The following RPS6KC1 variants were observed in gnomAD, a reference collection of about 807,000 sequenced individuals.
The protein encoded by RPS6KC1 is inactive ribosomal protein S6 kinase delta-1.
In RPS6KC1, 54 loss-of-function variants were observed where a neutral mutation model predicts 103.8. The observed-to-expected ratio is 0.52, with a 90% CI of 0.42 to 0.65. The LOEUF (loss-of-function observed/expected upper bound fraction) is 0.65, where lower values mean the gene tolerates loss of function less well. Among genes scored for constraint, RPS6KC1 ranks in the 30% least tolerant of loss-of-function variants. RPS6KC1 has a pLI of 0.00. For missense variants in RPS6KC1, 1,151 were observed against 1,253.8 expected (o/e 0.92, Z 1.24); for synonymous variants, 439 against 438.7 (o/e 1.00, Z -0.01).
intron 8 of RPS6KC1, among the ~76,000 whole-genome samples, chr1:213,211,372 G>A (rs577137101): frequency 6.6e-6 from 1 of 152,266 alleles, no homozygotes; most frequent in Non-Finnish European, 1.5e-5. Flanking sequence ...CAATCAAAAT[G>A]AGAATGACAA....
the RPS6KC1 span, among the ~76,000 whole-genome samples, chr1:213,607,845 A>G: frequency 3.3e-5 from 5 of 152,154 alleles, no homozygotes; most frequent in Non-Finnish European, 5.9e-5. Flanking sequence ...TTTTATTTCT[A>G]GTTAGAATAG....
Position 213,241,093 on chromosome 1 carries a change from G to A in RPS6KC1, c.1617G>A (p.Gly539=), listed in dbSNP as rs1412053869. 6.2e-7 allele frequency: 1 copy of A among 1,613,588 alleles called. No homozygotes were observed. Among genetic ancestry groups the A allele is most frequent in the Non-Finnish European group, 8.5e-7 (1 of 1,179,908 alleles). ...AGGAGCCCTTCATGAAGACTGAAGG[G>A]AATGGTGTTGATACAAAAGCTATTA... The part of the protein sequence containing the change: ...LNEEPFMKTE[G]NGVDTKAIKS... The change falls in exon 11 of 15, where the codon GGG becomes GGA. Residue 539 remains glycine (G), a synonymous_variant. Transcript: ENST00000366960.
chr1:213,202,771 C>G (rs575804342), intron 8 of RPS6KC1, among the ~76,000 whole-genome samples: 2 of 152,018 alleles, frequency 1.3e-5, no homozygotes, highest in Non-Finnish European at 2.9e-5. Flanking sequence ...ATAAATACCT[C>G]GATGCTTTCA....
At chr1:213,248,036 A>G (rs893308050) in intron 12 of RPS6KC1, among the ~76,000 whole-genome samples, 1 of 152,186 alleles carries the variant, frequency 6.6e-6, no homozygotes, top group African/African-American at 2.4e-5. Flanking sequence ...AACAAACAAA[A>G]TTGTTTAAAT....
At chr1:213,393,190 T>C in the RPS6KC1 span, among the ~76,000 whole-genome samples, 6 of 152,210 alleles carry the variant, frequency 3.9e-5, no homozygotes, top group African/African-American at 7.2e-5. Flanking sequence ...CCCCTCATAC[T>C]AATGCATTAG....
the RPS6KC1 span, among the ~76,000 whole-genome samples, chr1:213,571,128 G>T: frequency 1.3e-5 from 2 of 152,266 alleles, no homozygotes; most frequent in African/African-American, 4.8e-5. Flanking sequence ...TGTGGCCTTT[G>T]TAGACAAATA....
At chr1:213,364,032 G>A in the RPS6KC1 span, among the ~76,000 whole-genome samples, 2 of 152,062 alleles carry the variant, frequency 1.3e-5, no homozygotes, top group South Asian at 2.1e-4. Context: ...GCAGGGATTG[G>A]CAAGTGTTTT....
At chr1:213,616,541 G>C in the RPS6KC1 span, among the ~76,000 whole-genome samples, 1 of 152,240 alleles carries the variant, frequency 6.6e-6, no homozygotes, top group Non-Finnish European at 1.5e-5. Flanking sequence ...GCTGAGCATG[G>C]TGGTACATTC....
At chr1:213,170,325 A>G (rs1413490745) in intron 7 of RPS6KC1, among the ~76,000 whole-genome samples, 2 of 152,224 alleles carry the variant, frequency 1.3e-5, no homozygotes, top group Non-Finnish European at 2.9e-5. Context: ...TTCTTCAAGT[A>G]TAACTTCTAA....
the RPS6KC1 span, among the ~76,000 whole-genome samples, chr1:213,287,232 A>ATGTGTGTG: frequency 4.9e-4 from 72 of 146,836 alleles, no homozygotes; most frequent in African/African-American, 1.7e-3. Context: ...TGCCTATACA[A>ATGTGTGTG]TGTGTGTGTG....
At chr1:213,423,771 G>C in the RPS6KC1 span, among the ~76,000 whole-genome samples, 1 of 152,016 alleles carries the variant, frequency 6.6e-6, no homozygotes, top group East Asian at 1.9e-4. Context: ...AGCGGCAGGG[G>C]GCTGGTGGGG....
chr1:213,060,095 G>A (rs970869259), intron 1 of RPS6KC1, among the ~76,000 whole-genome samples: 2 of 152,170 alleles, frequency 1.3e-5, no homozygotes, highest in African/African-American at 2.4e-5. Flanking sequence ...TGGGATTGCC[G>A]GTGTGAACCA....
chr1:213,425,675 G>A, the RPS6KC1 span, among the ~76,000 whole-genome samples: 1 of 152,180 alleles, frequency 6.6e-6, no homozygotes, highest in Non-Finnish European at 1.5e-5. Context: ...GAGAGGAGGC[G>A]ACGTGGAGGG....
At chr1:213,061,429 C>T (rs1050625232) in intron 1 of RPS6KC1, among the ~76,000 whole-genome samples, 3 of 152,078 alleles carry the variant, frequency 2.0e-5, no homozygotes, top group African/African-American at 7.2e-5. Context: ...TGATAACCAG[C>T]CCAAATATTC....
chr1:213,296,337 C>T, the RPS6KC1 span, among the ~76,000 whole-genome samples: 1 of 152,192 alleles, frequency 6.6e-6, no homozygotes, highest in Non-Finnish European at 1.5e-5. Flanking sequence ...GAAAGTTTTT[C>T]ACCAAGGATA....
the RPS6KC1 span, among the ~76,000 whole-genome samples, chr1:213,552,824 C>T: frequency 7.9e-5 from 12 of 152,210 alleles, no homozygotes; most frequent in South Asian, 4.1e-4. Flanking sequence ...CAGTTGCAAA[C>T]GTGAAATGTA....
chr1:213,553,459 C>T, the RPS6KC1 span, among the ~76,000 whole-genome samples: 1 of 152,286 alleles, frequency 6.6e-6, no homozygotes, highest in Admixed American at 6.5e-5. Flanking sequence ...AATAGTGCTG[C>T]AATAAACATA....
the RPS6KC1 span, among the ~76,000 whole-genome samples, chr1:213,704,707 A>G: frequency 6.6e-6 from 1 of 152,200 alleles, no homozygotes; most frequent in Non-Finnish European, 1.5e-5. Flanking sequence ...TTGTGTCTGT[A>G]GTGAAGAGTT....
At chr1:213,226,005 C>T (rs549211246) in intron 8 of RPS6KC1, among the ~76,000 whole-genome samples, 7 of 151,902 alleles carry the variant, frequency 4.6e-5, no homozygotes, top group East Asian at 1.9e-4. Flanking sequence ...GGGCGGATCA[C>T]GAGGTCGGGA....
Sources: allele counts gnomAD v4.1 joint callset (sites outside exome capture counted in the v4.1 genomes callset), GRCh38; gene constraint gnomAD v4.1.1; transcripts MANE v1.5; gene names NCBI Gene and HGNC (gene_info 2026-07-23, HGNC 2026-07-21).